Variants in PTGES observed in about 807,000 individuals in gnomAD.
PTGES encodes prostaglandin E synthase.
Under a neutral mutation model 11.8 loss-of-function variants are expected in PTGES, and 3 were observed. The observed-to-expected ratio is 0.25, with a 90% CI of 0.12 to 0.66. The LOEUF (loss-of-function observed/expected upper bound fraction) is 0.66. Ranked by LOEUF, PTGES falls within the 30% of genes least tolerant of loss-of-function variation. PTGES has a pLI of 0.82. For missense variants in PTGES, 180 were observed against 213.0 expected (o/e 0.85, Z 0.96); for synonymous variants, 94 against 90.4 (o/e 1.04, Z -0.22).
At chr9:129,741,449 A>G (rs1832993048) in intron 2 of PTGES, among the ~76,000 whole-genome samples, 1 of 152,164 alleles carries the variant, frequency 6.6e-6, no homozygotes, top group South Asian at 2.1e-4. Flanking sequence ...CGAGACTGAC[A>G]TGAACCCCTC....
chr9:129,747,898 T>C (rs1833062578), intron 2 of PTGES, among the ~76,000 whole-genome samples: 1 of 149,876 alleles, frequency 6.7e-6, no homozygotes, highest in Admixed American at 6.7e-5. Flanking sequence ...TAGCCCCAGC[T>C]ACTTGGGAGG....
In PTGES at chr9:129,748,644, G is replaced by A. The variant is rs201024739; in HGVS notation, c.209+11C>T. On this transcript the variant is annotated intron_variant, in intron 2 of 2. Coordinates refer to ENST00000340607, the MANE Select transcript of PTGES (RefSeq NM_004878.5). Reference sequence around the variant, plus strand: ...CCAGGTGTGGCCAGGCCAGGGGCCCGAAGTACTTGCCTGAGGCAGCGTTCC... The same window carrying A: ...CCAGGTGTGGCCAGGCCAGGGGCCCAAAGTACTTGCCTGAGGCAGCGTTCC... The A allele has an allele frequency of 1.4e-5, 22 of 1,564,868 alleles. No homozygotes were observed. The highest frequency in any genetic ancestry group is 6.0e-5 in the South Asian group (5 of 83,858).
At chr9:129,744,921 G>T (rs940114324) in intron 2 of PTGES, among the ~76,000 whole-genome samples, 1 of 152,026 alleles carries the variant, frequency 6.6e-6, no homozygotes, top group African/African-American at 2.4e-5. Context: ...GGTGCAGCCG[G>T]AAGGGAGTAT....
rs568434608 is a variant in PTGES, at chr9:129,745,679, G to A, written c.209+2976C>T. 1.6e-4 allele frequency among the ~76,000 whole-genome samples: 25 copies of A among 152,236 alleles called. No homozygotes were observed. The highest frequency in any genetic ancestry group is 5.1e-4 in the African/African-American group (21 of 41,556). ...GCTATAAAGTATTATTAGATAAGACGCACTCAGAAAGTGCTGAAATGAATT... is the reference window on the plus strand; with the variant it reads ...GCTATAAAGTATTATTAGATAAGACACACTCAGAAAGTGCTGAAATGAATT... On this transcript the variant is annotated intron_variant, in intron 2 of 2. Coordinates refer to ENST00000340607, the MANE Select transcript of PTGES (RefSeq NM_004878.5). This position sits in a 1 kb window ranked among gnomAD's most constrained non-coding sequence, Gnocchi z 4.2.
At chr9:129,744,505 G>T (rs1833031414) in intron 2 of PTGES, among the ~76,000 whole-genome samples, 1 of 150,282 alleles carries the variant, frequency 6.7e-6, no homozygotes, top group Non-Finnish European at 1.5e-5. Flanking sequence ...AGCCCAGGAG[G>T]TCAAGGCATC....
rs757556673 is a variant in PTGES at position 129,745,265 on chromosome 9, A to G, written c.209+3390T>C. Among the ~76,000 whole-genome samples the G allele has an allele frequency of 2.6e-5, 4 of 152,214 alleles. No individual in the cohort carries two copies. The highest frequency in any genetic ancestry group is 5.9e-5 in the Non-Finnish European group (4 of 68,040). On this transcript the variant is annotated intron_variant, in intron 2 of 2. Coordinates refer to ENST00000340607, the MANE Select transcript of PTGES (RefSeq NM_004878.5). The surrounding 1 kb of genome is among the most constrained non-coding windows in gnomAD (Gnocchi z 4.2). ...ACATTGCCGGGAACTCCGGATAGGTATCCTGAAAAGGTGGCTAGTCCCTGG... is the reference window on the plus strand; with the variant it reads ...ACATTGCCGGGAACTCCGGATAGGTGTCCTGAAAAGGTGGCTAGTCCCTGG...
rs962524993 is a variant in PTGES at position 129,738,503 on chromosome 9, A to T, written c.*1108T>A. 1.2e-4 allele frequency: 19 copies of T among 152,938 alleles called. No individual in the cohort carries two copies. The highest frequency in any genetic ancestry group is 4.6e-4 in the African/African-American group (19 of 41,502). 9.5% of individuals were successfully genotyped at this position (152,938 alleles called of 1,614,324 possible). On this transcript the variant is annotated 3_prime_UTR_variant, in exon 3 of 3. Transcript: ENST00000340607. This position sits in a 1 kb window ranked among gnomAD's most constrained non-coding sequence, Gnocchi z 4.2. ...CATTTGCAGTTTCCAAACCTTGAAG[A>T]TACTGAAGGGACCAGAAAGTTCCTT... is the stretch of plus-strand genomic sequence containing the variant.
chr9:129,749,153 A>C (rs1833077469), intron 1 of PTGES, among the ~76,000 whole-genome samples: 1 of 152,230 alleles, frequency 6.6e-6, no homozygotes, highest in Non-Finnish European at 1.5e-5. Flanking sequence ...GCACTTCGGA[A>C]GGCCAAGGCA....
At position 129,746,177 on chromosome 9, in the gene PTGES, C is replaced by T. The variant is rs544349893; in HGVS notation, c.209+2478G>A. Among the ~76,000 whole-genome samples, 3 of 152,254 alleles carry T rather than the reference C, an allele frequency of 2.0e-5. No individual in the cohort carries two copies. In the East Asian group the frequency reaches 5.8e-4, roughly 29 times the overall value. Reference sequence around the variant, plus strand: ...TGGCCACTCCTGTGCCACATTGTGCCACATGAAAGCTTTGCTACATAAAAC... The same window carrying T: ...TGGCCACTCCTGTGCCACATTGTGCTACATGAAAGCTTTGCTACATAAAAC... On this transcript the variant is annotated intron_variant, in intron 2 of 2. Transcript: ENST00000340607.
At position 129,746,998 on chromosome 9, in the gene PTGES, C is replaced by T. The variant is rs573442969; in HGVS notation, c.209+1657G>A. Among the ~76,000 whole-genome samples the T allele has an allele frequency of 2.8e-4, 42 of 152,320 alleles. No individual in the cohort carries two copies. In the South Asian group the frequency reaches 2.9e-3, roughly 11 times the overall value. On this transcript the variant is annotated intron_variant, in intron 2 of 2. Coordinates refer to ENST00000340607, the MANE Select transcript of PTGES (RefSeq NM_004878.5). The stretch of plus-strand genomic sequence containing the variant: ...CGCAATCTTGGCTTACTGCAACCTC[C>T]GCCTCCTGGGTTCATGCCATTCTCC...
intron 2 of PTGES, among the ~76,000 whole-genome samples, chr9:129,748,243 T>G (rs1467415924): frequency 9.0e-6 from 1 of 110,672 alleles, no homozygotes; most frequent in African/African-American, 3.6e-5. Flanking sequence ...AAAAAAAGCA[T>G]AGTACAGACC....
chr9:129,749,449 A>G (rs1230853557), intron 1 of PTGES: 1 of 152,694 alleles, frequency 6.5e-6, no homozygotes, highest in Non-Finnish European at 1.5e-5. Context: ...GGAGTTCAAG[A>G]CCAGCCTGGG....
intron 1 of PTGES, among the ~76,000 whole-genome samples, chr9:129,750,486 A>G (rs576469411): frequency 6.6e-6 from 1 of 152,178 alleles, no homozygotes; most frequent in African/African-American, 2.4e-5. Context: ...TACAGTGGGC[A>G]CTGCCTTTAG....
Position 129,748,880 on chromosome 9 carries a change from C to T in PTGES, c.127-143G>A, listed in dbSNP as rs761869695. 1.5e-5 allele frequency: 10 copies of T among 665,168 alleles called. No individual in the cohort carries two copies. In the African/African-American group the frequency reaches 1.8e-4, roughly 12 times the overall value. The allele number at this position is 665,168 out of a possible 1,614,324, so 41.2% of individuals were successfully genotyped here. A position where few individuals can be genotyped will look rare whatever the true frequency, so the allele number is the denominator to read the frequency against. On this transcript the variant is annotated intron_variant, in intron 1 of 2. Coordinates refer to ENST00000340607, the MANE Select transcript of PTGES (RefSeq NM_004878.5). Reference sequence around the variant, plus strand: ...ACCCATCCAACCATCATCCACGATTCCTACCCTGTGCCAGGGGCTGGTAGC... The same window carrying T: ...ACCCATCCAACCATCATCCACGATTTCTACCCTGTGCCAGGGGCTGGTAGC...
In PTGES at chr9:129,738,569, T is replaced by A. The variant is rs1801978; in HGVS notation, c.*1042A>T. 0.079 allele frequency: 12,031 copies of A among 152,328 alleles called. 1,544 individuals are homozygous for A. The highest frequency in any genetic ancestry group is 0.27 in the African/African-American group (11,303 of 41,456). 9.4% of individuals were successfully genotyped at this position (152,328 alleles called of 1,614,324 possible). A position where few individuals can be genotyped will look rare whatever the true frequency, so the allele number is the denominator to read the frequency against. ...CCAAAGCTCCCGGTCCTCCACCCAC[T>A]GCCCTTTGGAGGGACTCAAACCTTG... is the stretch of plus-strand genomic sequence containing the variant. On this transcript the variant is annotated 3_prime_UTR_variant, in exon 3 of 3. Transcript: ENST00000340607. The surrounding 1 kb of genome is among the most constrained non-coding windows in gnomAD (Gnocchi z 4.2).
Position 129,752,883 on chromosome 9 carries a change from A to C in PTGES, c.126+4T>G, listed in dbSNP as rs1324630026. 5.0e-6 allele frequency: 8 copies of C among 1,613,904 alleles called. No individual in the cohort carries two copies. The African/African-American group carries it at 6.7e-5, about 13-fold the overall frequency. On this transcript the variant is annotated splice_donor_region_variant and intron_variant, in intron 1 of 2. Coordinates refer to ENST00000340607, the MANE Select transcript of PTGES (RefSeq NM_004878.5). ...AGGCCGGGGACCCCCAGGGAGGCAC[A>C]TACCTTCTTCCGCAGCCTCACTTGG... is the stretch of plus-strand genomic sequence containing the variant.
chr9:129,750,812 G>C (rs1833096000), intron 1 of PTGES, among the ~76,000 whole-genome samples: 1 of 152,200 alleles, frequency 6.6e-6, no homozygotes, highest in Admixed American at 6.5e-5. Flanking sequence ...AGGTCCCCAG[G>C]CTGGTGGGTG....
chr9:129,747,308 GA>G (rs1266822469), intron 2 of PTGES, among the ~76,000 whole-genome samples: 3 of 152,158 alleles, frequency 2.0e-5, no homozygotes, highest in Non-Finnish European at 4.4e-5. Flanking sequence ...TAATTTTATG[GA>G]AAATATTTAG....
intron 1 of PTGES, among the ~76,000 whole-genome samples, chr9:129,752,205 G>A (rs1833118729): frequency 6.6e-6 from 1 of 152,232 alleles, no homozygotes; most frequent in Non-Finnish European, 1.5e-5. Context: ...TACCTGGGGA[G>A]GAAGTAACAG....
Sources: allele counts gnomAD v4.1 joint callset (sites outside exome capture counted in the v4.1 genomes callset), GRCh38; gene constraint gnomAD v4.1.1; non-coding constraint Gnocchi (gnomAD v3.1); transcripts MANE v1.5; gene names NCBI Gene and HGNC (gene_info 2026-07-23, HGNC 2026-07-21).